Variants in STXBP5 observed in about 807,000 individuals in gnomAD.
STXBP5 encodes the protein syntaxin binding protein 5.
A neutral mutation model predicts 152.4 loss-of-function variants in STXBP5; 50 were observed. The ratio of observed to expected loss-of-function variants is 0.33; its 90% CI spans 0.26 to 0.42. The LOEUF (loss-of-function observed/expected upper bound fraction) is 0.42. STXBP5 is among the 10% of genes least tolerant of loss of function. The pLI is 1.00. For synonymous variants in STXBP5, 492 were observed against 494.7 expected (o/e 0.99, Z 0.07); for missense variants, 1,167 against 1,388.6 (o/e 0.84, Z 2.54).
At chr6:147,335,957 T>G (rs1783806644) in intron 19 of STXBP5, among the ~76,000 whole-genome samples, 1 of 152,170 alleles carries the variant, frequency 6.6e-6, no homozygotes, top group South Asian at 2.1e-4. Flanking sequence ...TCCTTAGATA[T>G]TTCATTGTTT....
In STXBP5 at chr6:147,294,916, T is replaced by C. The variant is rs1396991009; in HGVS notation, c.917+3744T>C. ...TTCCTATGGGGCATTATTAAAATATTTGAAAGTCCCTGATTTAGTAGAAAT... is the reference window on the plus strand; with the variant it reads ...TTCCTATGGGGCATTATTAAAATATCTGAAAGTCCCTGATTTAGTAGAAAT... On this transcript the variant is annotated intron_variant, in intron 9 of 27. Transcript: ENST00000321680. Among the ~76,000 whole-genome samples the C allele has an allele frequency of 2.6e-5, 4 of 152,210 alleles. 1 individual carries two copies. The highest frequency in any genetic ancestry group is 4.4e-5 in the Non-Finnish European group (3 of 68,030).
At chr6:147,285,493 GT>G (rs377288310) in intron 8 of STXBP5, among the ~76,000 whole-genome samples, 77 of 147,790 alleles carry the variant, frequency 5.2e-4, no homozygotes, top group African/African-American at 1.8e-3. Flanking sequence ...GATTTGTTGG[GT>G]TTTTTTCAAG....
At chr6:147,294,072 T>C (rs1781402788) in intron 9 of STXBP5, among the ~76,000 whole-genome samples, 1 of 152,186 alleles carries the variant, frequency 6.6e-6, no homozygotes, top group Non-Finnish European at 1.5e-5. Context: ...TTCTCTAGCA[T>C]AGGGAAATAA....
At chr6:147,324,278 T>G (rs955375628) in intron 16 of STXBP5, among the ~76,000 whole-genome samples, 1 of 131,262 alleles carries the variant, frequency 7.6e-6, no homozygotes, top group Non-Finnish European at 1.6e-5. Flanking sequence ...TTTTTTTTTT[T>G]TTTTTTTTTT....
chr6:147,353,273 G>A, intron 21 of STXBP5, 50 bp from the exon 22 acceptor site: 3 of 1,222,274 alleles, frequency 2.5e-6, no homozygotes, highest in South Asian at 1.5e-5. Flanking sequence ...GTTGATATTA[G>A]TATGAATCAA....
At chr6:147,340,077 C>T (rs965941920) in intron 21 of STXBP5, among the ~76,000 whole-genome samples, 1 of 151,942 alleles carries the variant, frequency 6.6e-6, no homozygotes, top group Non-Finnish European at 1.5e-5. Flanking sequence ...TTGAAAAACA[C>T]TTTTAGAAAA....
chr6:147,271,345 C>A (rs1286064389), intron 7 of STXBP5, among the ~76,000 whole-genome samples: 1 of 151,968 alleles, frequency 6.6e-6, no homozygotes, highest in Non-Finnish European at 1.5e-5. Context: ...GTGTTTCACC[C>A]ACCAACAGAG....
At chr6:147,327,743 G>GT in intron 18 of STXBP5, among the ~76,000 whole-genome samples, 1 of 152,106 alleles carries the variant, frequency 6.6e-6, no homozygotes, top group East Asian at 1.9e-4. Context: ...CACCCAGCCT[G>GT]TTTTTCTTTT....
chr6:147,357,870 A>G (rs1305263463), intron 22 of STXBP5, among the ~76,000 whole-genome samples: 4 of 152,178 alleles, frequency 2.6e-5, no homozygotes, highest in South Asian at 2.1e-4. Context: ...TTGGTTTTGC[A>G]TAGTGAGACA....
chr6:147,267,226 C>G, intron 7 of STXBP5, 59 bp downstream of exon 7: 18 of 1,414,196 alleles, frequency 1.3e-5, no homozygotes, highest in Non-Finnish European at 1.7e-5. Context: ...AGCAGTTTCT[C>G]TAAAAACTTA....
intron 19 of STXBP5, among the ~76,000 whole-genome samples, chr6:147,338,746 A>ACTATATATATAGTTTTAAT (rs1181411796): frequency 4.6e-5 from 7 of 151,764 alleles, no homozygotes; most frequent in Admixed American, 4.6e-4. Flanking sequence ...ATAGTTTTAA[A>ACTATATATATAGTTTTAAT]CTGTCAGTCT....
At chr6:147,216,100 A>G (rs762453567) in intron 2 of STXBP5, among the ~76,000 whole-genome samples, 1 of 152,166 alleles carries the variant, frequency 6.6e-6, no homozygotes, top group Non-Finnish European at 1.5e-5. Context: ...TGTATTTTTT[A>G]AAAATTCATG....
intron 7 of STXBP5, among the ~76,000 whole-genome samples, chr6:147,267,604 A>G (rs1779956224): frequency 1.3e-5 from 2 of 151,620 alleles, no homozygotes; most frequent in Non-Finnish European, 2.9e-5. Context: ...CTTTTTTGGC[A>G]TTTATTTGTT....
intron 7 of STXBP5, 65 bp from the exon 8 acceptor site, chr6:147,278,016 G>A: frequency 7.3e-7 from 1 of 1,367,858 alleles, no homozygotes; most frequent in Non-Finnish European, 1.0e-6. Flanking sequence ...TAATAGATGA[G>A]ATCATTTACA....
chr6:147,256,273 A>G (rs918211631), intron 4 of STXBP5, among the ~76,000 whole-genome samples: 2 of 152,238 alleles, frequency 1.3e-5, no homozygotes, highest in Non-Finnish European at 2.9e-5. Flanking sequence ...TAGCAACAGA[A>G]AGATAGTCTC....
chr6:147,310,609 A>T (rs1257015940), intron 10 of STXBP5, among the ~76,000 whole-genome samples: 1 of 152,110 alleles, frequency 6.6e-6, no homozygotes, highest in African/African-American at 2.4e-5. Context: ...GGCCAGTCTG[A>T]AACCTGTAGA....
chr6:147,354,464 CA>C (rs1179541338), intron 22 of STXBP5, among the ~76,000 whole-genome samples: 213 of 137,192 alleles, frequency 1.6e-3, no homozygotes, highest in Admixed American at 1.8e-3. Flanking sequence ...TTTTCTCCAC[CA>C]AAAAAAAAAA....
Position 147,372,406 on chromosome 6 carries a change from C to CTTTTTTTTT in STXBP5, c.3082-1325_3082-1324insTTTTTTTTT, listed in dbSNP as rs1583009383. Among the ~76,000 whole-genome samples, 346 of 39,104 alleles carry CTTTTTTTTT rather than the reference C, an allele frequency of 8.8e-3. 162 individuals carry two copies. The highest frequency in any genetic ancestry group is 0.024 in the East Asian group (22 of 918). The allele number at this position is 39,104 out of a possible 152,430, so 25.7% of individuals were successfully genotyped here. A position where few individuals can be genotyped will look rare whatever the true frequency, so the allele number is the denominator to read the frequency against. On this transcript the variant is annotated intron_variant, in intron 25 of 27. Transcript: ENST00000321680. ...ATATAAATGTTACTACCGTCCTTTT[C>CTTTTTTTTT]CTTTTTTTTTTTTTTTTTTTTTTTT...
intron 10 of STXBP5, 55 bp downstream of exon 10, chr6:147,310,293 A>C: frequency 7.6e-7 from 1 of 1,318,212 alleles, no homozygotes; most frequent in Non-Finnish European, 9.8e-7. Flanking sequence ...ATTAAAAAAA[A>C]AAAAAAGACC....
Sources: gnomAD v4.1 joint callset for allele counts (sites outside exome capture counted in the v4.1 genomes callset) on GRCh38, gnomAD v4.1.1 for gene constraint, MANE v1.5 for transcripts, NCBI Gene and HGNC (gene_info 2026-07-23, HGNC 2026-07-21) for gene names.